COA8: variants seen among roughly 807,000 people sequenced by gnomAD.
COA8 encodes UPF0671 protein C14orf153.
A neutral mutation model predicts 22.0 loss-of-function variants in COA8; 20 were observed. That is an observed-to-expected ratio of 0.91 (90% CI 0.64 to 1.32). The LOEUF is 1.32. Among genes scored for constraint, COA8 ranks in the 40% most tolerant of loss-of-function variants. The pLI, the probability that COA8 is intolerant of heterozygous loss-of-function variation, is 0.00. For missense variants in COA8, 266 were observed against 230.0 expected (o/e 1.16, Z -1.01); for synonymous variants, 105 against 79.9 (o/e 1.31, Z -1.68).
intron 3 of COA8, among the ~76,000 whole-genome samples, chr14:103,579,104 C>A (rs1340342205): frequency 6.6e-6 from 1 of 152,072 alleles, no homozygotes; most frequent in Admixed American, 6.6e-5. Context: ...AGTACGGACA[C>A]AGTTTTGAGC....
At chr14:103,573,678 A>G (rs917743874) in intron 2 of COA8, among the ~76,000 whole-genome samples, 1 of 151,730 alleles carries the variant, frequency 6.6e-6, no homozygotes, top group East Asian at 1.9e-4. Context: ...TCAGCCTCCT[A>G]AGTAGGTGGG....
At chr14:103,577,259 G>A (rs543847605) in intron 3 of COA8, among the ~76,000 whole-genome samples, 7 of 151,638 alleles carry the variant, frequency 4.6e-5, no homozygotes, top group Admixed American at 1.3e-4. Context: ...TGTGTGTTTC[G>A]TAGACGGAGT....
intron 1 of COA8, 93 bp downstream of exon 1, chr14:103,563,217 G>A: frequency 6.1e-6 from 9 of 1,474,006 alleles, no homozygotes; most frequent in Non-Finnish European, 8.2e-6. Context: ...CTGCACAGCC[G>A]CCTCAGGCCT....
At position 103,582,384 on chromosome 14, in the gene COA8, C is replaced by T. The variant is rs576059406; in HGVS notation, c.386-4890C>T. Among the ~76,000 whole-genome samples, 18 of 152,292 alleles carry T rather than the reference C, an allele frequency of 1.2e-4. No individual in the cohort carries two copies. In the South Asian group the frequency reaches 2.7e-3, roughly 23 times the overall value. ...CCCTGTGGCCTTCCTACCTCTCTTG[C>T]GTGTGGGTGAGCCTGAGCGTGGCCA... On this transcript the variant is annotated intron_variant, in intron 3 of 4. Coordinates refer to ENST00000409074, the MANE Select transcript of COA8 (RefSeq NM_001370595.2).
chr14:103,576,983 C>T (rs10135840), intron 3 of COA8, among the ~76,000 whole-genome samples: 1 of 152,152 alleles, frequency 6.6e-6, no homozygotes, highest in Non-Finnish European at 1.5e-5. Flanking sequence ...GGAAAAGCTG[C>T]CACAAATACT....
chr14:103,580,415 C>T (rs1449978084), intron 3 of COA8, among the ~76,000 whole-genome samples: 1 of 152,070 alleles, frequency 6.6e-6, no homozygotes, highest in African/African-American at 2.4e-5. Flanking sequence ...TCAAGCAATT[C>T]TCCTGCCTCA....
intron 4 of COA8, 70 bp downstream of exon 4, chr14:103,587,434 G>A: frequency 1.1e-6 from 1 of 931,254 alleles, no homozygotes; most frequent in Non-Finnish European, 1.6e-6. Context: ...TTTCTTACCT[G>A]AATTTAACAA....
chr14:103,567,206 C>T (rs1437407962), intron 1 of COA8, among the ~76,000 whole-genome samples: 1 of 152,038 alleles, frequency 6.6e-6, no homozygotes, highest in Non-Finnish European at 1.5e-5. Flanking sequence ...AACACCGTCT[C>T]TACTGAAAAT....
intron 1 of COA8, among the ~76,000 whole-genome samples, chr14:103,568,169 G>A (rs909473070): frequency 8.5e-5 from 13 of 152,154 alleles, no homozygotes; most frequent in African/African-American, 2.9e-4. Flanking sequence ...ATTCCCTGGT[G>A]GTTTCCCCAT....
chr14:103,575,078 G>A (rs780958275), intron 3 of COA8, among the ~76,000 whole-genome samples: 2 of 152,258 alleles, frequency 1.3e-5, no homozygotes, highest in Admixed American at 6.5e-5. Context: ...GCCTCGCCGC[G>A]CCCCATGGCT....
intron 3 of COA8, among the ~76,000 whole-genome samples, chr14:103,575,099 TC>T (rs1216806734): frequency 6.6e-6 from 1 of 152,268 alleles, no homozygotes; most frequent in Non-Finnish European, 1.5e-5. Flanking sequence ...GTCAGCGCAT[TC>T]CATGCTGACC....
At chr14:103,589,257 A>T (rs1166640276) in intron 4 of COA8, among the ~76,000 whole-genome samples, 1 of 152,162 alleles carries the variant, frequency 6.6e-6, no homozygotes, top group Admixed American at 6.6e-5. Context: ...TGTAATCCCC[A>T]TGGGCTACCG....
intron 1 of COA8, among the ~76,000 whole-genome samples, chr14:103,564,481 G>C (rs542259100): frequency 9.5e-4 from 145 of 152,196 alleles, no homozygotes; most frequent in African/African-American, 3.3e-3. Context: ...TTCCCGGGCG[G>C]GGGGGATTTT....
intron 1 of COA8, among the ~76,000 whole-genome samples, chr14:103,566,654 T>C (rs1480445242): frequency 1.3e-5 from 2 of 152,226 alleles, no homozygotes; most frequent in Non-Finnish European, 2.9e-5. Context: ...AGGCAGGAGC[T>C]CTGCATGCTA....
In COA8 at chr14:103,586,757, C is replaced by T. The variant is rs181711249; in HGVS notation, c.386-517C>T. ...CCGGCCCCAGTATTTTTAGTAGAGA[C>T]GGGGTTTCACCATGTTGGCCCAGCT... On this transcript the variant is annotated intron_variant, in intron 3 of 4. Transcript: ENST00000409074. 1.5e-4 allele frequency among the ~76,000 whole-genome samples: 23 copies of T among 151,438 alleles called. 1 individual carries two copies. Among genetic ancestry groups the T allele is most frequent in the African/African-American group, 3.9e-4 (16 of 41,250 alleles).
chr14:103,589,831 G>A (rs1179518088), intron 4 of COA8, among the ~76,000 whole-genome samples: 14 of 151,750 alleles, frequency 9.2e-5, no homozygotes, highest in African/African-American at 2.9e-4. Flanking sequence ...GGAGAATGGC[G>A]CGAACCCGGG....
chr14:103,583,439 G>T (rs1207502166), intron 3 of COA8, among the ~76,000 whole-genome samples: 2 of 151,300 alleles, frequency 1.3e-5, no homozygotes, highest in Admixed American at 6.6e-5. Context: ...TACTCGGGAG[G>T]CTGAAGCAGG....
In COA8 at chr14:103,590,328, A is replaced by T. The variant is rs779253112; in HGVS notation, c.*42A>T. The stretch of plus-strand genomic sequence containing the variant: ...AGCCAGAGTCCAGGTTTCCACAGGA[A>T]GCAGATGGAGCTCCTTTCACAGGGG... On this transcript the variant is annotated 3_prime_UTR_variant, in exon 5 of 5. Transcript: ENST00000409074. The T allele has an allele frequency of 2.0e-6, 3 of 1,522,706 alleles. No homozygotes were observed. The highest frequency in any genetic ancestry group is 2.7e-6 in the Non-Finnish European group (3 of 1,104,376). 94.3% of individuals were successfully genotyped at this position (1,522,706 alleles called of 1,614,324 possible).
At chr14:103,575,186 ACAC>A (rs1288748395) in intron 3 of COA8, among the ~76,000 whole-genome samples, 5 of 152,256 alleles carry the variant, frequency 3.3e-5, no homozygotes, top group Non-Finnish European at 5.9e-5. Flanking sequence ...GCTTGTGTGC[ACAC>A]CACATGTGCC....
Sources: allele counts gnomAD v4.1 joint callset (sites outside exome capture counted in the v4.1 genomes callset), GRCh38; gene constraint gnomAD v4.1.1; transcripts MANE v1.5; gene names NCBI Gene and HGNC (gene_info 2026-07-23, HGNC 2026-07-21).